The following IGHMBP2 variants were observed in gnomAD, a reference collection of about 807,000 sequenced individuals.
IGHMBP2 encodes the protein immunoglobulin mu DNA binding protein 2.
Under a neutral mutation model 96.0 loss-of-function variants are expected in IGHMBP2, and 81 were observed. The ratio of observed to expected loss-of-function variants is 0.84; its 90% CI spans 0.71 to 1.01. The LOEUF is 1.01. Among genes scored for constraint, IGHMBP2 ranks in the 50% least tolerant of loss-of-function variants. IGHMBP2 has a pLI of 0.00. For missense variants in IGHMBP2, 1,227 were observed against 1,306.3 expected (o/e 0.94, Z 0.94); for synonymous variants, 557 against 548.9 (o/e 1.01, Z -0.21).
intron 8 of IGHMBP2, chr11:68,930,348 GT>G (rs1859239782): frequency 1.6e-6 from 2 of 1,289,694 alleles, no homozygotes; most frequent in African/African-American, 3.0e-5. Context: ...AACTTTCGTT[GT>G]TTTCCGAGGA....
intron 4 of IGHMBP2, among the ~76,000 whole-genome samples, chr11:68,909,185 TGGA>T (rs201383699): frequency 0.02 from 222 of 11,064 alleles, 5 homozygotes; most frequent in African/African-American, 0.044. Context: ...GCGGGGGGGG[TGGA>T]GGGGGGGGGC....
intron 4 of IGHMBP2, among the ~76,000 whole-genome samples, chr11:68,909,176 C>CGG (rs1337523275): frequency 3.5e-4 from 5 of 14,272 alleles, no homozygotes; most frequent in East Asian, 6.3e-3. Context: ...TTTTTTTTGG[C>CGG]GGGGGGGGTG....
At chr11:68,911,322 G>T in intron 4 of IGHMBP2, 118 bp from the exon 5 acceptor site, 1 of 963,632 alleles carries the variant, frequency 1.0e-6, no homozygotes, top group South Asian at 1.4e-5. Context: ...TGCCCCTGGG[G>T]AGGTCCGGCG....
At chr11:68,932,857 C>T (rs941331616) in intron 8 of IGHMBP2, 8 of 194,004 alleles carry the variant, frequency 4.1e-5, no homozygotes, top group Non-Finnish European at 6.5e-5. Flanking sequence ...AGGGGAAAAC[C>T]CATCTCCTGG....
In IGHMBP2 at chr11:68,911,976, C is replaced by G. The variant is rs145356133; in HGVS notation, c.711+373C>G. Among the ~76,000 whole-genome samples, 1,430 of 152,346 alleles carry G rather than the reference C, an allele frequency of 9.4e-3. 17 individuals are homozygous for G. Among genetic ancestry groups the G allele is most frequent in the Non-Finnish European group, 0.013 (860 of 68,034 alleles). On this transcript the variant is annotated intron_variant, in intron 5 of 14. Coordinates refer to ENST00000255078, the MANE Select transcript of IGHMBP2 (RefSeq NM_002180.3). ...TGGCCTGGGCCCGGTCTGTGCCCGTCAGGAGCTCAGCGTCTGGTTGAGGTG... is the reference window on the plus strand; with the variant it reads ...TGGCCTGGGCCCGGTCTGTGCCCGTGAGGAGCTCAGCGTCTGGTTGAGGTG...
At position 68,935,401 on chromosome 11, in the gene IGHMBP2, T is replaced by C; in HGVS notation, c.1735T>C (p.Phe579Leu). ...GREKEAVILS[F>L]VRSNRKGEVG... ...AGAGAAGGAGGCCGTGATACTGTCC[T>C]TCGTCAGATCCAACAGGAAAGGTAC... Residue 579 changes from phenylalanine (F) to leucine (L), a missense_variant, in exon 12 of 15, where the codon TTC becomes CTC. Physicochemically the swap from Phe to Leu is conservative, Grantham distance 22 (BLOSUM62 0). Transcript: ENST00000255078. 6.2e-7 allele frequency: 1 copy of C among 1,614,108 alleles called. No individual in the cohort carries two copies. Among genetic ancestry groups the C allele is most frequent in the Non-Finnish European group, 8.5e-7 (1 of 1,180,032 alleles).
At chr11:68,924,547 G>A (rs183635260) in intron 7 of IGHMBP2, among the ~76,000 whole-genome samples, 115 of 152,350 alleles carry the variant, frequency 7.5e-4, no homozygotes, top group African/African-American at 2.6e-3. Flanking sequence ...TCAGGCTCAC[G>A]TGGTTGTTGG....
intron 8 of IGHMBP2, chr11:68,933,082 G>C: frequency 6.7e-6 from 4 of 600,134 alleles, no homozygotes; most frequent in Non-Finnish European, 9.0e-6. Context: ...CAGCGTCCCT[G>C]TTGTCCTGTA....
intron 4 of IGHMBP2, among the ~76,000 whole-genome samples, chr11:68,909,211 G>A (rs1445876585): frequency 4.6e-4 from 65 of 141,524 alleles, no homozygotes; most frequent in African/African-American, 1.6e-3. Flanking sequence ...ATGGAGTCTC[G>A]CTCTGTCACC....
At chr11:68,925,479 T>C (rs949685391) in intron 7 of IGHMBP2, among the ~76,000 whole-genome samples, 2 of 152,262 alleles carry the variant, frequency 1.3e-5, no homozygotes, top group Admixed American at 1.3e-4. Flanking sequence ...GTTATTGCTT[T>C]ATCCAGTTGT....
At chr11:68,918,706 A>G (rs1594433020) in intron 7 of IGHMBP2, among the ~76,000 whole-genome samples, 1 of 152,100 alleles carries the variant, frequency 6.6e-6, no homozygotes, top group African/African-American at 2.4e-5. Flanking sequence ...GGGTCTCACT[A>G]TGTTGCCCAG....
At chr11:68,931,509 G>C (rs1178904795) in intron 8 of IGHMBP2, among the ~76,000 whole-genome samples, 1 of 152,208 alleles carries the variant, frequency 6.6e-6, no homozygotes. Context: ...CACAGCTGCA[G>C]TTTGGGCGGC....
intron 4 of IGHMBP2, among the ~76,000 whole-genome samples, chr11:68,910,450 C>T (rs1858384985): frequency 6.6e-6 from 1 of 152,230 alleles, no homozygotes; most frequent in African/African-American, 2.4e-5. Flanking sequence ...TTCAGTCTCA[C>T]AAGTCAGGGT....
In IGHMBP2 at chr11:68,937,100, A is replaced by G. The variant is rs778897070; in HGVS notation, c.2611+9A>G. 8.1e-6 allele frequency: 13 copies of G among 1,596,256 alleles called. No homozygotes were observed. The highest frequency in any genetic ancestry group is 1.1e-5 in the Non-Finnish European group (13 of 1,179,786). On this transcript the variant is annotated intron_variant, in intron 13 of 14. Transcript: ENST00000255078. ...AAAGAAAAAAGCCAAAGGTAAGTCA[A>G]CTAATAAGAACTTGGGGCAGTGTCC... is the stretch of plus-strand genomic sequence containing the variant.
At chr11:68,927,838 CCTGTT>C (rs1198929274) in intron 7 of IGHMBP2, among the ~76,000 whole-genome samples, 3 of 152,098 alleles carry the variant, frequency 2.0e-5, no homozygotes, top group Non-Finnish European at 2.9e-5. Flanking sequence ...GAATGCCAAC[CCTGTT>C]CTGCACCCCC....
rs1476873060 is a variant in IGHMBP2, at chr11:68,929,340, C to A, written c.1218C>A (p.Pro406=). The A allele has an allele frequency of 6.2e-7, 1 of 1,613,430 alleles. No individual in the cohort carries two copies. Among genetic ancestry groups the A allele is most frequent in the Admixed American group, 1.7e-5 (1 of 60,026 alleles). The change falls in exon 8 of 15, where the codon CCC becomes CCA. Residue 406 remains proline, a synonymous_variant. Transcript: ENST00000255078. ...ILAGDHKQLP[P]TTVSHKAALA... ...CGGGCGATCACAAGCAGCTGCCCCC[C>A]ACCACAGTCTCTCACAAGTAAGACC...
At chr11:68,930,000 C>T (rs1859220826) in intron 8 of IGHMBP2, 2 of 826,116 alleles carry the variant, frequency 2.4e-6, no homozygotes, top group African/African-American at 2.0e-5. Context: ...TCTCCCCATA[C>T]TACCCAGCAC....
intron 2 of IGHMBP2, 185 bp downstream of exon 2, chr11:68,906,423 G>A (rs1342261111): frequency 2.9e-6 from 2 of 685,650 alleles, no homozygotes; most frequent in Non-Finnish European, 5.1e-6. Flanking sequence ...GTCCAAAATG[G>A]TAGCCATTAG....
chr11:68,930,507 G>A (rs1859249503), intron 8 of IGHMBP2: 3 of 1,269,804 alleles, frequency 2.4e-6, no homozygotes, highest in African/African-American at 3.1e-5. Flanking sequence ...AATAAAGATG[G>A]TGGAAGAAAG....
Sources: gnomAD v4.1 joint callset for allele counts (sites outside exome capture counted in the v4.1 genomes callset) on GRCh38, gnomAD v4.1.1 for gene constraint, MANE v1.5 for transcripts, NCBI Gene and HGNC (gene_info 2026-07-23, HGNC 2026-07-21) for gene names.